The following NDST4 variants were observed in gnomAD, a reference collection of about 807,000 sequenced individuals.
NDST4 encodes N-deacetylase and N-sulfotransferase 4, also known as N-heparan sulfate sulfotransferase 4.
NDST4 carries 63 observed loss-of-function variants against 100.8 expected under a neutral mutation model. The ratio of observed to expected loss-of-function variants is 0.62; its 90% CI spans 0.51 to 0.77. NDST4 has a LOEUF of 0.77. NDST4 is among the 30% of genes least tolerant of loss of function. NDST4 has a pLI of 0.00. For missense variants in NDST4, 943 were observed against 1,018.4 expected (o/e 0.93, Z 1.01); for synonymous variants, 377 against 361.8 (o/e 1.04, Z -0.48).
intron 1 of NDST4, among the ~76,000 whole-genome samples, chr4:115,082,123 TC>T (rs1248247708): frequency 6.6e-6 from 1 of 152,190 alleles, no homozygotes; most frequent in African/African-American, 2.4e-5. Context: ...TTTCCTGTTC[TC>T]ATTTTTGTTT....
intron 6 of NDST4, among the ~76,000 whole-genome samples, chr4:114,909,018 A>C (rs1445797863): frequency 6.6e-6 from 1 of 152,186 alleles, no homozygotes; most frequent in Non-Finnish European, 1.5e-5. Flanking sequence ...AAGTAGAACA[A>C]ATCTTTTTCT....
intron 7 of NDST4, among the ~76,000 whole-genome samples, chr4:114,854,499 G>A (rs772752807): frequency 6.6e-6 from 1 of 151,696 alleles, no homozygotes; most frequent in Non-Finnish European, 1.5e-5. Context: ...ACAGAGTTTT[G>A]CTCTTGTTGC....
intron 2 of NDST4, among the ~76,000 whole-genome samples, chr4:115,072,145 A>G (rs1041613021): frequency 2.6e-5 from 4 of 152,146 alleles, no homozygotes; most frequent in Non-Finnish European, 4.4e-5. Context: ...AATCAAAGAC[A>G]CAGGATCTTG....
chr4:114,859,038 T>C (rs1166124353), intron 7 of NDST4, among the ~76,000 whole-genome samples: 1 of 152,212 alleles, frequency 6.6e-6, no homozygotes, highest in Non-Finnish European at 1.5e-5. Flanking sequence ...TGCTTGTTGG[T>C]ACTTCCTTAC....
At chr4:114,910,976 C>A (rs937344379) in intron 6 of NDST4, among the ~76,000 whole-genome samples, 2 of 152,146 alleles carry the variant, frequency 1.3e-5, no homozygotes, top group Non-Finnish European at 2.9e-5. Flanking sequence ...TTTGCAATAG[C>A]CTCCTAATTG....
At chr4:114,877,390 T>C (rs1436312730) in intron 6 of NDST4, among the ~76,000 whole-genome samples, 2 of 152,144 alleles carry the variant, frequency 1.3e-5, no homozygotes, top group Admixed American at 6.6e-5. Context: ...TGCACACACA[T>C]GCATGTCAGC....
At chr4:114,829,464 A>G (rs1723148735) in intron 13 of NDST4, among the ~76,000 whole-genome samples, 1 of 152,176 alleles carries the variant, frequency 6.6e-6, no homozygotes, top group Non-Finnish European at 1.5e-5. Context: ...ATACTTGAAT[A>G]TTTTATCCAA....
chr4:114,852,091 G>C (rs1723690433), intron 8 of NDST4, among the ~76,000 whole-genome samples: 1 of 152,074 alleles, frequency 6.6e-6, no homozygotes, highest in South Asian at 2.1e-4. Flanking sequence ...TATTCTAATT[G>C]AAAGTGTCAT....
rs994971249 is a variant in NDST4, at chr4:114,992,369, C to T, written c.979-15095G>A. Among the ~76,000 whole-genome samples the T allele has an allele frequency of 2.0e-5, 3 of 151,872 alleles. No homozygotes were observed. In the East Asian group the frequency reaches 5.8e-4, roughly 29 times the overall value. On this transcript the variant is annotated intron_variant, in intron 2 of 13. Coordinates refer to ENST00000264363, the MANE Select transcript of NDST4 (RefSeq NM_022569.3). ...CTGTCTTCTCACTCCCGCCCCACCACCCAGATTCCTCTGTTGTTGACAGTT... is the reference window on the plus strand; with the variant it reads ...CTGTCTTCTCACTCCCGCCCCACCATCCAGATTCCTCTGTTGTTGACAGTT...
At chr4:115,069,015 A>C (rs1416759078) in intron 2 of NDST4, among the ~76,000 whole-genome samples, 1 of 152,082 alleles carries the variant, frequency 6.6e-6, no homozygotes, top group Non-Finnish European at 1.5e-5. Flanking sequence ...GAGTTGACTT[A>C]TATACATAAA....
At chr4:114,835,912 T>C (rs557796890) in intron 11 of NDST4, among the ~76,000 whole-genome samples, 24 of 152,360 alleles carry the variant, frequency 1.6e-4, no homozygotes, top group Non-Finnish European at 2.8e-4. Context: ...AAGTCTGCTT[T>C]ATCAGAGACT....
chr4:114,974,100 C>T (rs982736056), intron 3 of NDST4, among the ~76,000 whole-genome samples: 1 of 151,826 alleles, frequency 6.6e-6, no homozygotes, highest in African/African-American at 2.4e-5. Context: ...ACATGCTAAG[C>T]ATTGCTCCTA....
At chr4:115,042,272 G>A (rs1728367353) in intron 2 of NDST4, among the ~76,000 whole-genome samples, 1 of 152,012 alleles carries the variant, frequency 6.6e-6, no homozygotes. Context: ...CCCGCCCTTT[G>A]GCCATCAATG....
At chr4:114,986,155 C>T (rs990784830) in intron 2 of NDST4, among the ~76,000 whole-genome samples, 26 of 152,098 alleles carry the variant, frequency 1.7e-4, no homozygotes, top group African/African-American at 6.3e-4. Context: ...ATTGGTTTGA[C>T]CTTATAAAAT....
At chr4:114,903,219 C>T (rs1443831553) in intron 6 of NDST4, among the ~76,000 whole-genome samples, 3 of 152,078 alleles carry the variant, frequency 2.0e-5, no homozygotes, top group Admixed American at 2.0e-4. Context: ...AAGCCCCCTT[C>T]AGGTTAGGCT....
chr4:115,066,860 C>T (rs1362856803), intron 2 of NDST4, among the ~76,000 whole-genome samples: 1 of 152,166 alleles, frequency 6.6e-6, no homozygotes, highest in Non-Finnish European at 1.5e-5. Flanking sequence ...CACAGGCTTG[C>T]TGTGACTGAG....
At chr4:115,014,768 C>T (rs1727639493) in intron 2 of NDST4, among the ~76,000 whole-genome samples, 1 of 151,998 alleles carries the variant, frequency 6.6e-6, no homozygotes. Context: ...GCCTTGTCAT[C>T]CTCCTTGGAT....
intron 4 of NDST4, among the ~76,000 whole-genome samples, chr4:114,940,635 T>C (rs1313234508): frequency 6.6e-6 from 1 of 152,152 alleles, no homozygotes; most frequent in East Asian, 1.9e-4. Context: ...ATGGATGGCT[T>C]GTTTAACAGC....
chr4:114,933,739 C>A (rs1477819388), intron 6 of NDST4, among the ~76,000 whole-genome samples: 1 of 152,000 alleles, frequency 6.6e-6, no homozygotes, highest in Non-Finnish European at 1.5e-5. Flanking sequence ...AAATGCCCAA[C>A]AGGTATACGA....
Sources: allele counts gnomAD v4.1 joint callset (sites outside exome capture counted in the v4.1 genomes callset), GRCh38; gene constraint gnomAD v4.1.1; transcripts MANE v1.5; gene names NCBI Gene and HGNC (gene_info 2026-07-23, HGNC 2026-07-21).